The following ZNRF1 variants were observed in gnomAD, a reference collection of about 807,000 sequenced individuals.
ZNRF1 encodes zinc and ring finger 1.
Under a neutral mutation model 18.4 loss-of-function variants are expected in ZNRF1, and 3 were observed. The ratio of observed to expected loss-of-function variants is 0.16; its 90% CI spans 0.07 to 0.42. The LOEUF is 0.42. ZNRF1 is among the 10% of genes least tolerant of loss of function. The pLI is 0.99. For missense variants in ZNRF1, 310 were observed against 329.8 expected, an observed-to-expected ratio of 0.94 and a Z score of 0.47; for synonymous variants, 157 against 144.2, an observed-to-expected ratio of 1.09 and a Z score of -0.64.
At chr16:75,026,399 G>A (rs750015080) in intron 1 of ZNRF1, among the ~76,000 whole-genome samples, 3 of 152,058 alleles carry the variant, frequency 2.0e-5, no homozygotes, top group Non-Finnish European at 2.9e-5. Context: ...TGTTTATAGC[G>A]TTCCCCTGAG....
chr16:75,015,280 T>C lies in ZNRF1; in HGVS notation c.424+15185T>C, dbSNP rs528262752. 2.9e-4 allele frequency among the ~76,000 whole-genome samples: 44 copies of C among 152,340 alleles called. No individual in the cohort carries two copies. In the Middle Eastern group the frequency reaches 0.01, roughly 35 times the overall value. On this transcript the variant is annotated intron_variant, in intron 1 of 4. Transcript: ENST00000335325. ...TAAAAATTTGCACTTTGTATTTAAA[T>C]CCTTAATCCATGGGTAATTAAAAAA...
chr16:75,053,902 G>C (rs1443260463), intron 1 of ZNRF1, among the ~76,000 whole-genome samples: 2 of 152,172 alleles, frequency 1.3e-5, no homozygotes, highest in East Asian at 3.9e-4. Context: ...TGCTGGCTTT[G>C]GCTCATTGTG....
intron 1 of ZNRF1, among the ~76,000 whole-genome samples, chr16:75,081,580 C>G (rs2036013185): frequency 6.6e-6 from 1 of 152,182 alleles, no homozygotes; most frequent in Non-Finnish European, 1.5e-5. Context: ...CGCTAGAAGT[C>G]CACACCAGCA....
At position 75,108,788 on chromosome 16, in the gene ZNRF1, C is replaced by T. The variant is rs766608233; in HGVS notation, c.*1088C>T. 5.3e-6 allele frequency: 2 copies of T among 374,054 alleles called. No individual in the cohort carries two copies. The highest frequency in any genetic ancestry group is 9.4e-6 in the Non-Finnish European group (2 of 212,140). 23.2% of individuals were successfully genotyped at this position (374,054 alleles called of 1,614,324 possible). A position where few individuals can be genotyped will look rare whatever the true frequency, so the allele number is the denominator to read the frequency against. On this transcript the variant is annotated 3_prime_UTR_variant, in exon 5 of 5. Transcript: ENST00000335325. ...CAAGGGCCTGCCCCCCACTCCCTCACCTACCTCCTTAGCATTCCTTCAGGC... is the reference window on the plus strand; with the variant it reads ...CAAGGGCCTGCCCCCCACTCCCTCATCTACCTCCTTAGCATTCCTTCAGGC...
chr16:75,044,496 G>C lies in ZNRF1; in HGVS notation c.424+44401G>C, dbSNP rs148040311. On this transcript the variant is annotated intron_variant, in intron 1 of 4. Transcript: ENST00000335325. The stretch of plus-strand genomic sequence containing the variant: ...CCTGCCTCGGCCTCCAAAAGTGCTG[G>C]GATTATAGGCATGATGAGCCACTGC... Among the ~76,000 whole-genome samples, 377 of 152,104 alleles carry C rather than the reference G, an allele frequency of 2.5e-3. 1 individual carries two copies. Among genetic ancestry groups the C allele is most frequent in the African/African-American group, 8.5e-3 (354 of 41,502 alleles).
rs1420649503 is a variant in ZNRF1 at position 75,109,565 on chromosome 16, C to A, written c.*1865C>A. ...CAGCGGAGAAACACTAAAGAAGACT[C>A]GGTGGTTCAGAGCCTGGGTCTCAGC... On this transcript the variant is annotated 3_prime_UTR_variant, in exon 5 of 5. Coordinates refer to ENST00000335325, the MANE Select transcript of ZNRF1 (RefSeq NM_032268.5). 1 of 152,918 alleles carries A rather than the reference C, an allele frequency of 6.5e-6. No individual in the cohort carries two copies. The highest frequency in any genetic ancestry group is 6.5e-5 in the Admixed American group (1 of 15,286). The allele number at this position is 152,918 out of a possible 1,614,324, so 9.5% of individuals were successfully genotyped here. A position where few individuals can be genotyped will look rare whatever the true frequency, so the allele number is the denominator to read the frequency against.
At chr16:75,040,573 ATGTTTT>A (rs767059899) in intron 1 of ZNRF1, among the ~76,000 whole-genome samples, 3 of 130,796 alleles carry the variant, frequency 2.3e-5, no homozygotes, top group South Asian at 2.5e-4. Context: ...TTCACTCACC[ATGTTTT>A]TGTTTTTGTT....
chr16:75,105,131 T>C, intron 3 of ZNRF1: 1 of 434,802 alleles, frequency 2.3e-6, no homozygotes, highest in African/African-American at 2.0e-5. Flanking sequence ...GCTCAGGTGG[T>C]GGGAGCTGAT....
Position 75,037,440 on chromosome 16 carries a change from C to T in ZNRF1, c.424+37345C>T, listed in dbSNP as rs542102801. On this transcript the variant is annotated intron_variant, in intron 1 of 4. Coordinates refer to ENST00000335325, the MANE Select transcript of ZNRF1 (RefSeq NM_032268.5). Reference sequence around the variant, plus strand: ...CTAGTCTCTGCCTCCTGGGTTCAAGCGATTATCATGCCTCAGCCTCCCAAG... The same window carrying T: ...CTAGTCTCTGCCTCCTGGGTTCAAGTGATTATCATGCCTCAGCCTCCCAAG... Among the ~76,000 whole-genome samples, 11 of 152,196 alleles carry T rather than the reference C, an allele frequency of 7.2e-5. No homozygotes were observed. The South Asian group carries it at 1.7e-3, about 23-fold the overall frequency.
At chr16:75,079,755 C>G (rs564944399) in intron 1 of ZNRF1, among the ~76,000 whole-genome samples, 2 of 152,192 alleles carry the variant, frequency 1.3e-5, no homozygotes, top group Non-Finnish European at 2.9e-5. Flanking sequence ...ACTGTGCCCT[C>G]TGGGTTCCAG....
intron 1 of ZNRF1, among the ~76,000 whole-genome samples, chr16:75,064,561 GAAA>G (rs566037984): frequency 1.6e-5 from 2 of 127,140 alleles, no homozygotes. Context: ...GTCTCCGAGG[GAAA>G]AAAAAAAAAA....
chr16:75,018,069 A>G (rs980409056), intron 1 of ZNRF1, among the ~76,000 whole-genome samples: 12 of 152,130 alleles, frequency 7.9e-5, no homozygotes, highest in African/African-American at 2.9e-4. Context: ...ATCATATAGG[A>G]CTCATATGAA....
intron 1 of ZNRF1, among the ~76,000 whole-genome samples, chr16:75,032,081 T>C (rs1194980186): frequency 6.6e-6 from 1 of 151,564 alleles, no homozygotes; most frequent in Non-Finnish European, 1.5e-5. Flanking sequence ...TTGCAAAGGA[T>C]ATTGGGCATC....
chr16:75,019,645 C>A (rs2035118293), intron 1 of ZNRF1, among the ~76,000 whole-genome samples: 1 of 152,134 alleles, frequency 6.6e-6, no homozygotes, highest in Non-Finnish European at 1.5e-5. Context: ...TCTGTATGTC[C>A]TTACATCAAG....
chr16:75,006,364 T>TC (rs1395535944), intron 1 of ZNRF1, among the ~76,000 whole-genome samples: 3 of 152,208 alleles, frequency 2.0e-5, no homozygotes, highest in African/African-American at 4.8e-5. Context: ...TGACAGTGGA[T>TC]CACTAAGGTT....
intron 1 of ZNRF1, among the ~76,000 whole-genome samples, chr16:75,017,801 A>G (rs866982652): frequency 5.3e-5 from 8 of 152,224 alleles, no homozygotes; most frequent in African/African-American, 1.9e-4. Context: ...TCAAGTTGGC[A>G]TCAGGATGAC....
chr16:75,100,350 C>T (rs766689671), intron 2 of ZNRF1, among the ~76,000 whole-genome samples: 7 of 152,226 alleles, frequency 4.6e-5, no homozygotes, highest in African/African-American at 1.2e-4. Flanking sequence ...ACAGGCCTTC[C>T]GCCCCAGGAC....
chr16:75,053,917 C>T (rs563914773), intron 1 of ZNRF1, among the ~76,000 whole-genome samples: 4 of 152,326 alleles, frequency 2.6e-5, no homozygotes, highest in South Asian at 2.1e-4. Context: ...ATTGTGGCCA[C>T]GCAAGTTCTT....
rs1555513842 is a variant in ZNRF1, at chr16:75,085,821, A to AGTGAGT, written c.425-7748_425-7747insAGTGTG. ...GAGAGAGAGAGAGAGAGAGAGAGTG[A>AGTGAGT]GTGTGTGTGTGTGTGTGTGTGTAGA... On this transcript the variant is annotated intron_variant, in intron 1 of 4. Transcript: ENST00000335325. 2.1e-5 allele frequency among the ~76,000 whole-genome samples: 3 copies of AGTGAGT among 146,330 alleles called. No individual in the cohort carries two copies. The South Asian group carries it at 6.5e-4, about 32-fold the overall frequency.
Sources: allele counts gnomAD v4.1 joint callset (sites outside exome capture counted in the v4.1 genomes callset), GRCh38; gene constraint gnomAD v4.1.1; transcripts MANE v1.5; gene names NCBI Gene and HGNC (gene_info 2026-07-23, HGNC 2026-07-21).